FGGY: variants seen among roughly 807,000 people sequenced by gnomAD.
FGGY encodes FGGY carbohydrate kinase domain-containing protein.
A neutral mutation model predicts 71.3 loss-of-function variants in FGGY; 72 were observed. The observed-to-expected ratio is 1.01, with a 90% CI of 0.84 to 1.23. FGGY has a LOEUF of 1.23. FGGY is among the 50% of genes most tolerant of loss of function. The probability of loss-of-function intolerance (pLI) is 0.00; values close to 1 mark genes in which losing one functional copy is unlikely to be tolerated. For missense variants in FGGY, 668 were observed against 682.3 expected (o/e 0.98, Z 0.23); for synonymous variants, 251 against 250.3 (o/e 1.00, Z -0.02).
rs749622102 is a variant in FGGY at position 59,586,961 on chromosome 1, G to A, written c.904-20842G>A. On this transcript the variant is annotated intron_variant, in intron 8 of 15. Transcript: ENST00000303721. ...GTGGGCGCAGGACAGTGGGTGCAGC[G>A]CACCGTGCACGAGCTGAAGCAGGGC... 1.8e-4 allele frequency among the ~76,000 whole-genome samples: 27 copies of A among 152,268 alleles called. 1 individual carries two copies. Among genetic ancestry groups the A allele is most frequent in the Middle Eastern group, 6.8e-3 (2 of 292 alleles).
rs1161233463 is a variant in FGGY at position 59,583,958 on chromosome 1, T to A, written c.904-23845T>A. Among the ~76,000 whole-genome samples, 5 of 115,674 alleles carry A rather than the reference T, an allele frequency of 4.3e-5. 1 individual carries two copies. Among genetic ancestry groups the A allele is most frequent in the African/African-American group, 1.7e-4 (5 of 29,012 alleles). 75.9% of individuals were successfully genotyped at this position (115,674 alleles called of 152,430 possible). A position where few individuals can be genotyped will look rare whatever the true frequency, so the allele number is the denominator to read the frequency against. ...GTGTCGACGGCTCACCACTTATGTG[T>A]TGGCTTTTGTTCCTGGACTACTCAG... On this transcript the variant is annotated intron_variant, in intron 8 of 15. Coordinates refer to ENST00000303721, the MANE Select transcript of FGGY (RefSeq NM_018291.5).
chr1:59,612,045 G>T (rs981828149), intron 9 of FGGY, among the ~76,000 whole-genome samples: 4 of 152,184 alleles, frequency 2.6e-5, no homozygotes, highest in African/African-American at 9.6e-5. Context: ...AAAGTGACGG[G>T]GAGAATGGAA....
chr1:59,339,818 A>G, intron 2 of FGGY, 140 bp from the exon 3 acceptor site: 4 of 583,040 alleles, frequency 6.9e-6, no homozygotes, highest in Non-Finnish European at 1.2e-5. Flanking sequence ...TTTTGGGATT[A>G]TAGTGATACT....
chr1:59,468,695 A>G (rs1427797093), intron 6 of FGGY, among the ~76,000 whole-genome samples: 1 of 151,848 alleles, frequency 6.6e-6, no homozygotes, highest in Non-Finnish European at 1.5e-5. Flanking sequence ...ACATGGTGAA[A>G]CCCTGTCTTT....
chr1:59,532,646 T>G (rs1029149166), intron 7 of FGGY, among the ~76,000 whole-genome samples: 1 of 151,844 alleles, frequency 6.6e-6, no homozygotes, highest in Non-Finnish European at 1.5e-5. Context: ...AAACTACGAG[T>G]AGAAAGGAAC....
At chr1:59,394,585 C>T (rs2061097814) in intron 5 of FGGY, among the ~76,000 whole-genome samples, 1 of 152,152 alleles carries the variant, frequency 6.6e-6, no homozygotes, top group South Asian at 2.1e-4. Context: ...TCAACATTAG[C>T]TATTCCTGCT....
chr1:59,454,856 C>T (rs2091529423), intron 5 of FGGY, among the ~76,000 whole-genome samples: 1 of 152,130 alleles, frequency 6.6e-6, no homozygotes, highest in African/African-American at 2.4e-5. Context: ...AGTATAGTGC[C>T]AGGATCATAG....
In FGGY at chr1:59,491,056, T is replaced by TTCCCTCCCCTCCC. The variant is rs1553244017; in HGVS notation, c.671-21252_671-21251insCTCCCCTCCCTCC. On this transcript the variant is annotated intron_variant, in intron 6 of 15. Transcript: ENST00000303721. Reference sequence around the variant, plus strand: ...TTCCTTTCCTTCCTTCCTTCCTTCCTTCCTTCCTTCCTTCCTTCCTTCCTT... The same window carrying TTCCCTCCCCTCCC: ...TTCCTTTCCTTCCTTCCTTCCTTCCTTCCCTCCCCTCCCTCCTTCCTTCCTTCCTTCCTTCCTT... Among the ~76,000 whole-genome samples, 14 of 20,448 alleles carry TTCCCTCCCCTCCC rather than the reference T, an allele frequency of 6.8e-4. 1 individual carries two copies. Among genetic ancestry groups the TTCCCTCCCCTCCC allele is most frequent in the South Asian group, 2.4e-3 (1 of 414 alleles). 13.4% of individuals were successfully genotyped at this position (20,448 alleles called of 152,430 possible). A position where few individuals can be genotyped will look rare whatever the true frequency, so the allele number is the denominator to read the frequency against.
At chr1:59,326,436 A>G (rs1480715777) in intron 2 of FGGY, among the ~76,000 whole-genome samples, 1 of 152,230 alleles carries the variant, frequency 6.6e-6, no homozygotes, top group Non-Finnish European at 1.5e-5. Flanking sequence ...GAACCATTAT[A>G]GTTTACAGTG....
intron 2 of FGGY, among the ~76,000 whole-genome samples, chr1:59,328,100 A>C (rs898153192): frequency 2.0e-5 from 3 of 152,230 alleles, no homozygotes; most frequent in African/African-American, 7.2e-5. Flanking sequence ...ATTTGCCCCT[A>C]ACAAGAGAGC....
intron 9 of FGGY, 42 bp from the exon 10 acceptor site, chr1:59,625,941 ATAAAT>A (rs747868653): frequency 5.5e-6 from 8 of 1,460,270 alleles, no homozygotes; most frequent in South Asian, 2.7e-5. Context: ...TATCTTATAC[ATAAAT>A]TAAAGAAGCT....
intron 4 of FGGY, 92 bp downstream of exon 4, chr1:59,346,490 G>A (rs1398908269): frequency 3.0e-5 from 42 of 1,420,032 alleles, no homozygotes; most frequent in South Asian, 1.5e-4. Flanking sequence ...TGCTAAAATC[G>A]GTTATGTTTG....
chr1:59,408,554 C>T lies in FGGY; in HGVS notation c.554+29717C>T, dbSNP rs181401597. Among the ~76,000 whole-genome samples, 525 of 152,172 alleles carry T rather than the reference C, an allele frequency of 3.5e-3. 1 individual carries two copies. Among genetic ancestry groups the T allele is most frequent in the African/African-American group, 9.8e-3 (407 of 41,524 alleles). ...TAATTTTGGCACACATATGTGTGCA[C>T]GCATGTATATGTATAAATATTCTGT... On this transcript the variant is annotated intron_variant, in intron 5 of 15. Transcript: ENST00000303721.
At chr1:59,565,386 G>T (rs529075420) in intron 8 of FGGY, among the ~76,000 whole-genome samples, 2 of 152,140 alleles carry the variant, frequency 1.3e-5, no homozygotes, top group Admixed American at 1.3e-4. Flanking sequence ...CCGGGTTCAC[G>T]CCAGTCTCCT....
intron 8 of FGGY, among the ~76,000 whole-genome samples, chr1:59,596,443 C>T (rs1571885705): frequency 6.9e-6 from 1 of 145,546 alleles, no homozygotes; most frequent in Non-Finnish European, 1.5e-5. Context: ...CTCCTTATTT[C>T]AATCTTTTTT....
chr1:59,369,367 C>G (rs982953018), intron 4 of FGGY, among the ~76,000 whole-genome samples: 27 of 152,200 alleles, frequency 1.8e-4, no homozygotes, highest in South Asian at 4.1e-4. Flanking sequence ...GGGAGGAGCG[C>G]CCGCCATTGC....
intron 8 of FGGY, among the ~76,000 whole-genome samples, chr1:59,572,818 A>T (rs2096009590): frequency 6.6e-6 from 1 of 152,194 alleles, no homozygotes; most frequent in Non-Finnish European, 1.5e-5. Context: ...GTGAGTAGAG[A>T]TATCTGGAGA....
intron 10 of FGGY, among the ~76,000 whole-genome samples, chr1:59,631,502 C>T (rs1050277225): frequency 1.1e-4 from 17 of 152,106 alleles, no homozygotes; most frequent in African/African-American, 7.2e-5. Flanking sequence ...TTTATGCTTC[C>T]GGTCTTAGAA....
intron 11 of FGGY, among the ~76,000 whole-genome samples, chr1:59,651,347 T>C (rs1342684871): frequency 1.3e-5 from 2 of 150,860 alleles, no homozygotes; most frequent in Admixed American, 1.3e-4. Flanking sequence ...ATGTTGACAG[T>C]GGGGTGTTAA....
Sources: gnomAD v4.1 joint callset for allele counts (sites outside exome capture counted in the v4.1 genomes callset) on GRCh38, gnomAD v4.1.1 for gene constraint, MANE v1.5 for transcripts, NCBI Gene and HGNC (gene_info 2026-07-23, HGNC 2026-07-21) for gene names.